The following CHD9 variants were observed in gnomAD, a reference collection of about 807,000 sequenced individuals.
CHD9 encodes chromodomain helicase DNA binding protein 9.
Under a neutral mutation model 316.1 loss-of-function variants are expected in CHD9, and 77 were observed. That is an observed-to-expected ratio of 0.24 (90% CI 0.20 to 0.29). CHD9 has a LOEUF of 0.29. Ranked by LOEUF, CHD9 falls within the 10% of genes least tolerant of loss-of-function variation. The pLI, the probability that CHD9 is intolerant of heterozygous loss-of-function variation, is 1.00. For missense variants in CHD9, 2,763 were observed against 3,438.1 expected (o/e 0.80, Z 4.91); for synonymous variants, 1,129 against 1,158.3 (o/e 0.97, Z 0.51).
At chr16:53,208,166 A>G in intron 2 of CHD9, 2 of 1,085,844 alleles carry the variant, frequency 1.8e-6, no homozygotes, top group Non-Finnish European at 2.3e-6. Context: ...AAATGTGTTG[A>G]TAAATCAAAA....
At chr16:53,104,997 A>C (rs112849129) in intron 1 of CHD9, among the ~76,000 whole-genome samples, 1 of 132,998 alleles carries the variant, frequency 7.5e-6, no homozygotes, top group East Asian at 2.2e-4. Context: ...AAAAAAAAAC[A>C]AAAAAACAAA....
At chr16:53,278,615 T>G (rs1305513064) in intron 24 of CHD9, among the ~76,000 whole-genome samples, 4 of 152,156 alleles carry the variant, frequency 2.6e-5, no homozygotes, top group Admixed American at 1.3e-4. Context: ...TCTACTTATC[T>G]GACAAAGGGC....
chr16:53,228,957 A>C, intron 7 of CHD9, 26 bp from the exon 8 acceptor site: 1 of 1,036,478 alleles, frequency 9.6e-7, no homozygotes, highest in Non-Finnish European at 1.4e-6. Context: ...TGTCATTCTA[A>C]TATATTATTT....
At position 53,278,942 on chromosome 16, in the gene CHD9, A is replaced by T. The variant is rs1366222053; in HGVS notation, c.4967+4640A>T. ...TAAACTACTTCAACCATTGTGGAAG[A>T]CAGTGTGGCGATTCCTCAAGGATCT... On this transcript the variant is annotated intron_variant, in intron 24 of 38. Transcript: ENST00000447540. 5.5e-4 allele frequency among the ~76,000 whole-genome samples: 83 copies of T among 152,270 alleles called. 1 individual carries two copies. Among genetic ancestry groups the T allele is most frequent in the Admixed American group, 1.5e-3 (23 of 15,288 alleles).
At chr16:53,216,734 T>C (rs1436557267) in intron 3 of CHD9, among the ~76,000 whole-genome samples, 1 of 152,208 alleles carries the variant, frequency 6.6e-6, no homozygotes, top group Non-Finnish European at 1.5e-5. Flanking sequence ...TACTAATTTT[T>C]ACTCTCCGAG....
intron 24 of CHD9, among the ~76,000 whole-genome samples, chr16:53,280,518 G>C (rs183213867): frequency 2.1e-5 from 3 of 146,138 alleles, no homozygotes; most frequent in East Asian, 3.9e-4. Context: ...GGGGACTCAG[G>C]GGGGAAAGGG....
intron 34 of CHD9, among the ~76,000 whole-genome samples, chr16:53,313,545 A>G (rs2056641500): frequency 6.6e-6 from 1 of 152,048 alleles, no homozygotes; most frequent in Non-Finnish European, 1.5e-5. Flanking sequence ...ACCTCAGGTG[A>G]TCTGCCCACC....
intron 3 of CHD9, among the ~76,000 whole-genome samples, chr16:53,210,434 C>T (rs1200487350): frequency 1.3e-5 from 2 of 151,856 alleles, no homozygotes; most frequent in Non-Finnish European, 2.9e-5. Flanking sequence ...ATTATAAGGA[C>T]AAAGAATTGC....
rs2041499044 is a variant in CHD9 at position 53,156,043 on chromosome 16, A to G, written c.-47A>G. 1.9e-6 allele frequency: 3 copies of G among 1,554,256 alleles called. No individual in the cohort carries two copies. Among genetic ancestry groups the G allele is most frequent in the African/African-American group, 1.4e-5 (1 of 73,424 alleles). ...AATATCTACTATAGAGAAGCTGAATATACTCCATTTGGAGTGAACAGCCCG... is the reference window on the plus strand; with the variant it reads ...AATATCTACTATAGAGAAGCTGAATGTACTCCATTTGGAGTGAACAGCCCG... On this transcript the variant is annotated 5_prime_UTR_variant, in exon 2 of 39. It adds an upstream start codon to the 5' untranslated region. Coordinates refer to ENST00000447540, the MANE Select transcript of CHD9 (RefSeq NM_001308319.2).
At chr16:53,212,956 C>A (rs1224875600) in intron 3 of CHD9, among the ~76,000 whole-genome samples, 1 of 152,164 alleles carries the variant, frequency 6.6e-6, no homozygotes, top group South Asian at 2.1e-4. Flanking sequence ...TTTCTGACAA[C>A]ATAAATAGCA....
At chr16:53,151,997 TGTGGGCAGGG>T (rs2041160340) in intron 1 of CHD9, among the ~76,000 whole-genome samples, 1 of 151,878 alleles carries the variant, frequency 6.6e-6, no homozygotes, top group East Asian at 1.9e-4. Flanking sequence ...TGTGTGTGAT[TGTGGGCAGGG>T]GTGCACATAC....
At chr16:53,291,857 T>A in intron 28 of CHD9, 90 bp downstream of exon 28, 1 of 785,818 alleles carries the variant, frequency 1.3e-6, no homozygotes, top group Non-Finnish European at 1.9e-6. Context: ...ACTTTTATAA[T>A]GTTTCATATA....
intron 1 of CHD9, among the ~76,000 whole-genome samples, chr16:53,145,476 G>A (rs530411840): frequency 6.6e-6 from 1 of 151,590 alleles, no homozygotes; most frequent in South Asian, 2.1e-4. Context: ...GGAGGCTGAG[G>A]CGGGTGGATC....
chr16:53,158,342 A>G (rs139436361), intron 2 of CHD9, among the ~76,000 whole-genome samples: 1 of 152,342 alleles, frequency 6.6e-6, no homozygotes, highest in East Asian at 1.9e-4. Context: ...GGCACTAAAA[A>G]GATTTTGAAC....
intron 34 of CHD9, chr16:53,310,857 C>CAATAAGAAT (rs1555547797): frequency 1.4e-5 from 2 of 138,922 alleles, no homozygotes; most frequent in African/African-American, 5.4e-5. Context: ...GTCTCAAAAA[C>CAATAAGAAT]AATAATAATA....
intron 37 of CHD9, 148 bp downstream of exon 37, chr16:53,318,488 A>G: frequency 1.6e-6 from 1 of 626,112 alleles, no homozygotes; most frequent in Non-Finnish European, 2.7e-6. Context: ...ATGCAGTATA[A>G]TTTTATGCAG....
intron 1 of CHD9, among the ~76,000 whole-genome samples, chr16:53,095,096 C>T (rs1178490991): frequency 2.0e-5 from 3 of 152,168 alleles, no homozygotes; most frequent in Non-Finnish European, 4.4e-5. Context: ...CTCCACTGCA[C>T]GTTCTTCCCC....
At chr16:53,251,395 T>G (rs2050115295) in intron 17 of CHD9, among the ~76,000 whole-genome samples, 1 of 152,196 alleles carries the variant, frequency 6.6e-6, no homozygotes, top group Admixed American at 6.5e-5. Context: ...TCTCCCAATT[T>G]CTCCCTCTCA....
chr16:53,146,422 T>TATATATATATATATATATATATATAA, intron 1 of CHD9, among the ~76,000 whole-genome samples: 1 of 123,134 alleles, frequency 8.1e-6, no homozygotes, highest in African/African-American at 3.2e-5. Flanking sequence ...TGTGTATGTA[T>TATATATATATATATATATATATATAA]ATATATATAT....
Sources: allele counts gnomAD v4.1 joint callset (sites outside exome capture counted in the v4.1 genomes callset), GRCh38; gene constraint gnomAD v4.1.1; transcripts MANE v1.5; gene names NCBI Gene and HGNC (gene_info 2026-07-23, HGNC 2026-07-21).